CAPRIN2: variants seen among roughly 807,000 people sequenced by gnomAD.
CAPRIN2 encodes caprin-2.
Under a neutral mutation model 130.4 loss-of-function variants are expected in CAPRIN2, and 66 were observed. The observed-to-expected ratio is 0.51, with a 90% confidence interval of 0.42 to 0.62. The LOEUF (loss-of-function observed/expected upper bound fraction) is 0.62, where lower values mean the gene tolerates loss of function less well. Among genes scored for constraint, CAPRIN2 ranks in the 20% least tolerant of loss-of-function variants. The pLI is 0.00. For missense variants in CAPRIN2, 1,185 were observed against 1,246.6 expected (o/e 0.95, Z 0.74); for synonymous variants, 471 against 444.1 (o/e 1.06, Z -0.76).
exon 8 of CAPRIN2, chr12:30,729,242 T>G: frequency 6.2e-7 from 1 of 1,611,858 alleles, no homozygotes; most frequent in Non-Finnish European, 8.5e-7. Context: ...GATTTGGTTT[T>G]CTAGCATAAT....
chr12:30,712,467 T>C lies in CAPRIN2; in HGVS notation c.2602-838A>G, dbSNP rs540366634. ...TATTAATAAACATCCTCCCCTCACA[T>C]ACATTCCCTGAGGATCACATAATAA... On this transcript the variant is annotated intron_variant, in intron 15 of 16. Transcript: ENST00000298892. 6.6e-5 allele frequency among the ~76,000 whole-genome samples: 10 copies of C among 152,304 alleles called. No homozygotes were observed. The South Asian group carries it at 2.1e-3, about 32-fold the overall frequency.
intron 1 of CAPRIN2, among the ~76,000 whole-genome samples, chr12:30,751,979 C>T (rs1012810117): frequency 7.3e-6 from 1 of 137,116 alleles, no homozygotes; most frequent in Non-Finnish European, 1.5e-5. Flanking sequence ...AGTGCAGTGT[C>T]GCGATCTCGG....
intron 5 of CAPRIN2, among the ~76,000 whole-genome samples, chr12:30,733,024 T>C (rs1326920618): frequency 6.6e-6 from 1 of 152,148 alleles, no homozygotes; most frequent in Non-Finnish European, 1.5e-5. Flanking sequence ...ATTTGGATTT[T>C]TTTTTAAAAG....
chr12:30,740,439 A>T (rs1412100121), intron 3 of CAPRIN2, among the ~76,000 whole-genome samples: 4 of 144,396 alleles, frequency 2.8e-5, no homozygotes, highest in Middle Eastern at 3.2e-3. Flanking sequence ...TTGAAAAAGT[A>T]AAGAATACTT....
At chr12:30,742,591 C>T (rs2068004151) in intron 2 of CAPRIN2, among the ~76,000 whole-genome samples, 1 of 150,888 alleles carries the variant, frequency 6.6e-6, no homozygotes, top group African/African-American at 2.4e-5. Flanking sequence ...TATAAAAATA[C>T]TAAATATAAT....
chr12:30,738,546 A>G (rs1339564306), intron 3 of CAPRIN2, among the ~76,000 whole-genome samples: 1 of 152,230 alleles, frequency 6.6e-6, no homozygotes, highest in East Asian at 1.9e-4. Flanking sequence ...CAAAAGCAAA[A>G]ACTGACAAGT....
At chr12:30,719,344 A>C in intron 12 of CAPRIN2, 119 bp from the exon 14 acceptor site, 1 of 1,088,512 alleles carries the variant, frequency 9.2e-7, no homozygotes, top group Admixed American at 2.4e-5. Context: ...TGGACACAGG[A>C]ATGCAAAAGA....
At chr12:30,730,972 T>G (rs1219101225) in intron 6 of CAPRIN2, among the ~76,000 whole-genome samples, 1 of 152,174 alleles carries the variant, frequency 6.6e-6, no homozygotes, top group Non-Finnish European at 1.5e-5. Flanking sequence ...CGACCTTAGG[T>G]TAATTACATC....
chr12:30,748,267 T>C (rs1452152595), intron 2 of CAPRIN2, among the ~76,000 whole-genome samples: 2 of 152,152 alleles, frequency 1.3e-5, no homozygotes, highest in African/African-American at 4.8e-5. Flanking sequence ...AGAGAGTCCA[T>C]CAACGTGGCT....
Position 30,710,593 on chromosome 12 carries a change from C to A in CAPRIN2, c.2666-123G>T. 7.1e-7 allele frequency: 1 copy of A among 1,410,678 alleles called. No homozygotes were observed. The highest frequency in any genetic ancestry group is 1.4e-5 in the South Asian group (1 of 73,548). The allele number at this position is 1,410,678 out of a possible 1,614,324, so 87.4% of individuals were successfully genotyped here. ...TTTATAGTAAATTCCAAAACAAAAG[C>A]AATATATAGCTAGATTATACTTTTC... On this transcript the variant is annotated intron_variant, in intron 16 of 16. Transcript: ENST00000298892. This position sits in a 1 kb window ranked among gnomAD's most constrained non-coding sequence, Gnocchi z 4.8.
intron 2 of CAPRIN2, among the ~76,000 whole-genome samples, chr12:30,746,464 A>G (rs751653456): frequency 1.3e-5 from 2 of 152,236 alleles, no homozygotes; most frequent in African/African-American, 2.4e-5. Flanking sequence ...CAAACTCTAA[A>G]CTACAAACTT....
exon 12 of CAPRIN2, chr12:30,720,885 T>A (rs765124823): frequency 1.9e-6 from 3 of 1,613,574 alleles, no homozygotes; most frequent in Non-Finnish European, 2.5e-6. Flanking sequence ...AAGCAAGCAT[T>A]TGAGCTACAA....
At chr12:30,734,249 G>C (rs955602804) in intron 4 of CAPRIN2, among the ~76,000 whole-genome samples, 3 of 152,116 alleles carry the variant, frequency 2.0e-5, no homozygotes, top group Non-Finnish European at 4.4e-5. Flanking sequence ...AGTTCTATTA[G>C]GCTTCTTTCT....
At chr12:30,751,097 C>T (rs779538223) in exon 2 of CAPRIN2, 1 of 1,613,888 alleles carries the variant, frequency 6.2e-7, no homozygotes, top group South Asian at 1.1e-5. Flanking sequence ...AGATGCTCTC[C>T]ACTTTTCAGG....
intron 8 of CAPRIN2, among the ~76,000 whole-genome samples, 195 bp from the exon 10 acceptor site, chr12:30,726,283 G>A (rs1324432492): frequency 6.6e-6 from 1 of 152,142 alleles, no homozygotes; most frequent in Non-Finnish European, 1.5e-5. Context: ...CAATTTTCAT[G>A]GAACTCTTTC....
exon 7 of CAPRIN2, chr12:30,730,254 C>T (rs773100470): frequency 1.2e-6 from 2 of 1,611,712 alleles, no homozygotes; most frequent in Non-Finnish European, 1.7e-6. Context: ...GTGGTTGTAT[C>T]TCTGGCTGGG....
chr12:30,713,512 G>C (rs1472650453), intron 15 of CAPRIN2, among the ~76,000 whole-genome samples: 1 of 152,170 alleles, frequency 6.6e-6, no homozygotes, highest in Non-Finnish European at 1.5e-5. Context: ...CATTTCTCCT[G>C]TGAGGTGGAA....
At chr12:30,721,222 C>T (rs964023999) in intron 11 of CAPRIN2, among the ~76,000 whole-genome samples, 5 of 152,170 alleles carry the variant, frequency 3.3e-5, no homozygotes, top group African/African-American at 1.2e-4. Flanking sequence ...ACTGCCTGTC[C>T]AGGCCTGGTC....
At chr12:30,744,000 C>T (rs2068702707) in intron 2 of CAPRIN2, among the ~76,000 whole-genome samples, 1 of 152,150 alleles carries the variant, frequency 6.6e-6, no homozygotes, top group African/African-American at 2.4e-5. Flanking sequence ...CAAAATTGAG[C>T]TCTTTATCCT....
Sources: gnomAD v4.1 joint callset for allele counts (sites outside exome capture counted in the v4.1 genomes callset) on GRCh38, gnomAD v4.1.1 for gene constraint, Gnocchi (gnomAD v3.1) non-coding constraint, MANE v1.5 for transcripts, NCBI Gene and HGNC (gene_info 2026-07-23, HGNC 2026-07-21) for gene names.